The following ACADL variants were observed in gnomAD, a reference collection of about 807,000 sequenced individuals.
ACADL encodes the protein acyl-CoA dehydrogenase long chain, also known as long-chain specific acyl-CoA dehydrogenase, mitochondrial.
ACADL carries 60 observed loss-of-function variants against 56.9 expected under a neutral mutation model. That is an observed-to-expected ratio of 1.05 (90% CI 0.86 to 1.31). The LOEUF is 1.31. Ranked by LOEUF, ACADL falls within the 50% of genes most tolerant of loss-of-function variation. The probability of loss-of-function intolerance (pLI) is 0.00; values close to 1 mark genes in which losing one functional copy is unlikely to be tolerated. For synonymous variants in ACADL, 158 were observed against 179.7 expected, an observed-to-expected ratio of 0.88 and a Z score of 0.97; for missense variants, 484 against 525.5, an observed-to-expected ratio of 0.92 and a Z score of 0.77.
intron 3 of ACADL, chr2:210,216,760 T>C (rs1689093907): frequency 1.2e-5 from 5 of 434,270 alleles, no homozygotes; most frequent in African/African-American, 2.0e-5. Context: ...TATTTTAAAA[T>C]ATGAATCACC....
chr2:210,209,433 G>A (rs1203924063), intron 5 of ACADL, among the ~76,000 whole-genome samples: 3 of 152,166 alleles, frequency 2.0e-5, no homozygotes, highest in South Asian at 2.1e-4. Context: ...AATTGGAAGC[G>A]CTCTCCAATT....
chr2:210,205,703 A>G lies in ACADL; in HGVS notation c.697T>C (p.Phe233Leu), dbSNP rs374929072. 17 of 1,613,890 alleles carry G rather than the reference A, an allele frequency of 1.1e-5. No homozygotes were observed. Among genetic ancestry groups the G allele is most frequent in the Non-Finnish European group, 1.4e-5 (17 of 1,179,968 alleles). The change falls in exon 6 of 11, where the codon TTT becomes CTT. Residue 233 changes from phenylalanine to leucine, a missense_variant. By Grantham distance (22) the Phe-to-Leu change is conservative. Transcript: ENST00000233710. Reference sequence around the variant, plus strand: ...CCTTTCATTCCATTTTCCACCAGAAAAAGGCTAATACCATGGGCAGGGGAG... The same window carrying G: ...CCTTTCATTCCATTTTCCACCAGAAGAAGGCTAATACCATGGGCAGGGGAG... ...APSPAHGISL[F>L]LVENGMKGFI...
chr2:210,195,981 T>C (rs1168719808), intron 8 of ACADL, among the ~76,000 whole-genome samples: 1 of 152,208 alleles, frequency 6.6e-6, no homozygotes, highest in African/African-American at 2.4e-5. Flanking sequence ...GGTTTGGCTC[T>C]GTCCCTACCC....
intron 10 of ACADL, 81 bp from the exon 11 acceptor site, chr2:210,189,135 TATTCA>T: frequency 2.1e-6 from 2 of 953,190 alleles, no homozygotes; most frequent in Non-Finnish European, 3.4e-6. Context: ...ACTCATAAAC[TATTCA>T]ATTAGTGAAG....
intron 4 of ACADL, among the ~76,000 whole-genome samples, chr2:210,214,072 T>A (rs1432826871): frequency 6.6e-6 from 1 of 152,018 alleles, no homozygotes; most frequent in Non-Finnish European, 1.5e-5. Flanking sequence ...GCTAAAGTAA[T>A]ACAACATACA....
intron 1 of ACADL, among the ~76,000 whole-genome samples, chr2:210,223,120 T>A (rs1327322450): frequency 6.6e-6 from 1 of 152,084 alleles, no homozygotes; most frequent in Non-Finnish European, 1.5e-5. Flanking sequence ...TTAAGTAAAA[T>A]ATATAAAGAC....
Position 210,192,505 on chromosome 2 carries a change from A to T in ACADL, c.1199+299T>A, listed in dbSNP as rs556608142. On this transcript the variant is annotated intron_variant, in intron 10 of 10. Coordinates refer to ENST00000233710, the MANE Select transcript of ACADL (RefSeq NM_001608.4). ...ACTGTCTCAAAATAAAATAAAAAATAAAAAAATTAAAAAATTTTTGAAAAT... is the reference window on the plus strand; with the variant it reads ...ACTGTCTCAAAATAAAATAAAAAATTAAAAAATTAAAAAATTTTTGAAAAT... Among the ~76,000 whole-genome samples, 36 of 152,216 alleles carry T rather than the reference A, an allele frequency of 2.4e-4. 1 individual carries two copies. Among genetic ancestry groups the T allele is most frequent in the African/African-American group, 3.4e-4 (14 of 41,560 alleles).
intron 5 of ACADL, among the ~76,000 whole-genome samples, chr2:210,208,407 G>A (rs1688924570): frequency 6.6e-6 from 1 of 152,126 alleles, no homozygotes; most frequent in African/African-American, 2.4e-5. Flanking sequence ...ACACCATGGT[G>A]GATCCCCCTT....
chr2:210,196,848 A>G (rs1688718106), intron 8 of ACADL, among the ~76,000 whole-genome samples: 1 of 152,180 alleles, frequency 6.6e-6, no homozygotes, highest in African/African-American at 2.4e-5. Context: ...TGAAACTCAA[A>G]CTAGAAATTA....
chr2:210,210,516 G>T (rs1226180505), intron 4 of ACADL, among the ~76,000 whole-genome samples: 2 of 152,124 alleles, frequency 1.3e-5, no homozygotes, highest in Admixed American at 6.5e-5. Context: ...GTATAACAAA[G>T]CCCAACTAAC....
intron 4 of ACADL, among the ~76,000 whole-genome samples, chr2:210,212,953 TC>T (rs2125715506): frequency 6.6e-6 from 1 of 152,250 alleles, no homozygotes; most frequent in Non-Finnish European, 1.5e-5. Flanking sequence ...TTCCCACCAT[TC>T]CCAGTACTCA....
chr2:210,213,256 T>C (rs1415873493), intron 4 of ACADL, among the ~76,000 whole-genome samples: 1 of 152,236 alleles, frequency 6.6e-6, no homozygotes, highest in African/African-American at 2.4e-5. Flanking sequence ...TCCCAGCACT[T>C]TGGGAGGCCA....
chr2:210,212,507 C>A (rs903254207), intron 4 of ACADL, among the ~76,000 whole-genome samples: 1 of 151,960 alleles, frequency 6.6e-6, no homozygotes, highest in East Asian at 1.9e-4. Flanking sequence ...CCTCCTGATA[C>A]CTTGATTTGG....
chr2:210,191,690 C>T (rs1225224079), intron 10 of ACADL, among the ~76,000 whole-genome samples: 1 of 152,062 alleles, frequency 6.6e-6, no homozygotes, highest in Admixed American at 6.6e-5. Flanking sequence ...ATAATTTTTC[C>T]CTTTAGATAC....
rs934811360 is a variant in ACADL at position 210,205,597 on chromosome 2, A to G, written c.768+35T>C. On this transcript the variant is annotated intron_variant, in intron 6 of 10. Coordinates refer to ENST00000233710, the MANE Select transcript of ACADL (RefSeq NM_001608.4). ...TCCTATCTGATTAACAGTAAACTCA[A>G]TTAGTATCTGAATATGATTTACATT... 5.0e-6 allele frequency: 8 copies of G among 1,605,438 alleles called. No individual in the cohort carries two copies. The Admixed American group carries it at 6.7e-5, about 13-fold the overall frequency.
chr2:210,193,743 C>T (rs1688670733), intron 9 of ACADL, among the ~76,000 whole-genome samples: 1 of 152,132 alleles, frequency 6.6e-6, no homozygotes. Flanking sequence ...ACAATCATAG[C>T]TCATTACAGT....
At position 210,220,698 on chromosome 2, in the gene ACADL, C is replaced by T. The variant is rs952281925; in HGVS notation, c.182G>A (p.Arg61Gln). Reference sequence around the variant, plus strand: ...TTGGAAAAACTTCCTTACACTTTTCCGGAAAATGTCATGCTCTGGAGAAAA... The same window carrying T: ...TTGGAAAAACTTCCTTACACTTTTCTGGAAAATGTCATGCTCTGGAGAAAA... ...RIFSPEHDIF[R>Q]KSVRKFFQEE... is the part of the protein sequence containing the mutation. The change falls in exon 2 of 11, where the codon CGG (arginine) becomes CAG (glutamine). Residue 61 changes from arginine to glutamine, a missense_variant. Arg to Gln is a conservative substitution (Grantham distance 43). Transcript: ENST00000233710. The T allele has an allele frequency of 1.7e-5, 27 of 1,613,334 alleles. No homozygotes were observed. The highest frequency in any genetic ancestry group is 2.2e-5 in the South Asian group (2 of 91,046).
intron 6 of ACADL, 63 bp from the exon 7 acceptor site, chr2:210,204,745 A>C: frequency 7.8e-7 from 1 of 1,274,048 alleles, no homozygotes; most frequent in Non-Finnish European, 1.1e-6. Flanking sequence ...AACCCAGTGA[A>C]TATTGAAGTG....
At chr2:210,203,936 A>T (rs1688841831) in intron 7 of ACADL, among the ~76,000 whole-genome samples, 1 of 152,240 alleles carries the variant, frequency 6.6e-6, no homozygotes, top group African/African-American at 2.4e-5. Flanking sequence ...TCAATTTATT[A>T]ATCTCTGCAC....
Sources: gnomAD v4.1 joint callset for allele counts (sites outside exome capture counted in the v4.1 genomes callset) on GRCh38, gnomAD v4.1.1 for gene constraint, MANE v1.5 for transcripts, NCBI Gene and HGNC (gene_info 2026-07-23, HGNC 2026-07-21) for gene names.